TAOK1: variants seen among roughly 807,000 people sequenced by gnomAD.
TAOK1 encodes the protein TAO kinase 1, also known as serine/threonine-protein kinase TAO1.
TAOK1 carries 21 observed loss-of-function variants against 138.3 expected under a neutral mutation model. The ratio of observed to expected loss-of-function variants is 0.15; its 90% CI spans 0.11 to 0.22. The LOEUF (loss-of-function observed/expected upper bound fraction) is 0.22, where lower values mean the gene tolerates loss of function less well. TAOK1 is among the 10% of genes least tolerant of loss of function. The pLI, the probability that TAOK1 is intolerant of heterozygous loss-of-function variation, is 1.00. For synonymous variants in TAOK1, 361 were observed against 398.4 expected (o/e 0.91, Z 1.12); for missense variants, 651 against 1,227.7 (o/e 0.53, Z 7.02).
rs2032424807 is a variant in TAOK1, at chr17:29,547,770, G to A, written c.*4748G>A. The A allele has an allele frequency of 6.6e-6, 1 of 152,086 alleles. No homozygotes were observed. Among genetic ancestry groups the A allele is most frequent in the Non-Finnish European group, 1.5e-5 (1 of 67,974 alleles). The allele number at this position is 152,086 out of a possible 1,614,324, so 9.4% of individuals were successfully genotyped here. Reference sequence around the variant, plus strand: ...ACATGATAGTGCCCCCAACCAGGTTGTAGCATTGCCTTTTAAAAGAGACTC... The same window carrying A: ...ACATGATAGTGCCCCCAACCAGGTTATAGCATTGCCTTTTAAAAGAGACTC... On this transcript the variant is annotated 3_prime_UTR_variant, in exon 20 of 20. Coordinates refer to ENST00000261716, the MANE Select transcript of TAOK1 (RefSeq NM_020791.4).
intron 3 of TAOK1, among the ~76,000 whole-genome samples, chr17:29,473,262 C>T (rs1438924399): frequency 6.6e-6 from 1 of 152,178 alleles, no homozygotes; most frequent in Non-Finnish European, 1.5e-5. Flanking sequence ...AGCTTTGAAA[C>T]CAGGCATTTC....
intron 1 of TAOK1, among the ~76,000 whole-genome samples, chr17:29,409,893 TTTGCTCAGTGAGG>T (rs907573750): frequency 6.6e-6 from 1 of 152,128 alleles, no homozygotes; most frequent in African/African-American, 2.4e-5. Flanking sequence ...AGATGATATA[TTTGCTCAGTGAGG>T]TTTAAAGTCA....
intron 3 of TAOK1, among the ~76,000 whole-genome samples, chr17:29,472,565 C>T (rs1332363359): frequency 1.5e-4 from 18 of 122,528 alleles, no homozygotes; most frequent in African/African-American, 5.9e-4. Flanking sequence ...TATAGCCTTT[C>T]TTTCTTTCTT....
At chr17:29,482,347 CT>C in intron 8 of TAOK1, 59 bp downstream of exon 8, 1 of 1,258,960 alleles carries the variant, frequency 7.9e-7, no homozygotes, top group Non-Finnish European at 1.1e-6. Flanking sequence ...ACCTCAATTT[CT>C]GTACCAATCT....
At chr17:29,540,297 T>C (rs8081085) in intron 19 of TAOK1, among the ~76,000 whole-genome samples, 26,432 of 152,232 alleles carry the variant, frequency 0.17, 2,347 homozygotes, top group Admixed American at 0.22. Flanking sequence ...TTGAGACTTA[T>C]TTGCTCCACT....
chr17:29,397,664 G>GT (rs1290681493), intron 1 of TAOK1, among the ~76,000 whole-genome samples: 25 of 35,596 alleles, frequency 7.0e-4, no homozygotes, highest in African/African-American at 2.0e-3. Flanking sequence ...ATTCATGTAT[G>GT]ATACATGTAT....
chr17:29,440,615 G>T lies in TAOK1; in HGVS notation c.-94-10840G>T, dbSNP rs185658320. Among the ~76,000 whole-genome samples, 47 of 146,264 alleles carry T rather than the reference G, an allele frequency of 3.2e-4. 1 individual carries two copies. The East Asian group carries it at 7.5e-3, about 23-fold the overall frequency. On this transcript the variant is annotated intron_variant, in intron 1 of 19. Transcript: ENST00000261716. ...TTTTTGAGACAGAGTCTGCTCTTTT[G>T]CCCAGGCTGGAGTGCAGTCACGCGA...
At chr17:29,438,455 C>T (rs898215677) in intron 1 of TAOK1, among the ~76,000 whole-genome samples, 2 of 152,142 alleles carry the variant, frequency 1.3e-5, no homozygotes, top group Admixed American at 6.5e-5. Flanking sequence ...GAGGCTGAGG[C>T]GGGCGGACCA....
At chr17:29,408,245 C>T (rs1389340013) in intron 1 of TAOK1, among the ~76,000 whole-genome samples, 1 of 132,514 alleles carries the variant, frequency 7.5e-6, no homozygotes, top group Non-Finnish European at 1.6e-5. Flanking sequence ...TTTTTTGAGA[C>T]ACAGGATCTT....
chr17:29,473,620 C>T (rs983946201), intron 3 of TAOK1, among the ~76,000 whole-genome samples: 5 of 151,264 alleles, frequency 3.3e-5, no homozygotes, highest in African/African-American at 1.2e-4. Flanking sequence ...AAATCTGTTG[C>T]GTAATGTAGC....
At chr17:29,422,692 C>T (rs1015298145) in intron 1 of TAOK1, among the ~76,000 whole-genome samples, 1 of 152,120 alleles carries the variant, frequency 6.6e-6, no homozygotes, top group African/African-American at 2.4e-5. Context: ...TAATTTGTTT[C>T]TTCTTTCTCT....
intron 12 of TAOK1, 148 bp from the exon 13 acceptor site, chr17:29,502,441 G>T (rs1208918912): frequency 1.4e-5 from 12 of 864,346 alleles, no homozygotes; most frequent in Non-Finnish European, 1.9e-5. Context: ...AAAGAAAAAA[G>T]AAGACCAGCA....
At position 29,517,585 on chromosome 17, in the gene TAOK1, C is replaced by G. The variant is rs2031841258; in HGVS notation, c.1837C>G (p.Leu613Val). Residue 613 changes from leucine to valine, a missense_variant, in exon 16 of 20, where the codon CTG (leucine) becomes GTG (valine). This residue lies in a region of TAOK1 where 258 missense variants were observed against 548.9 expected (regional missense o/e 0.47). Transcript: ENST00000261716. ...TCGACGTCAAAGACAATACCTAGAG[C>G]TGGAATGCCGTCGCTTCAAGAGAAG... Reference protein sequence around the residue: ...LLRRQRQYLELECRRFKRRML... With the variant: ...LLRRQRQYLEVECRRFKRRML... The G allele has an allele frequency of 1.2e-6, 2 of 1,613,882 alleles. No individual in the cohort carries two copies. Among genetic ancestry groups the G allele is most frequent in the African/African-American group, 2.7e-5 (2 of 75,012 alleles).
intron 18 of TAOK1, among the ~76,000 whole-genome samples, chr17:29,533,824 G>GACCGTGGAAAGAGAGGGAGAGGGAT (rs2032174181): frequency 7.0e-6 from 1 of 142,262 alleles, no homozygotes; most frequent in Non-Finnish European, 1.5e-5. Context: ...ATCAGAGGGA[G>GACCGTGGAAAGAGAGGGAGAGGGAT]ACCGTGGGGA....
chr17:29,438,950 T>C (rs1388083175), intron 1 of TAOK1, among the ~76,000 whole-genome samples: 1 of 152,194 alleles, frequency 6.6e-6, no homozygotes, highest in Non-Finnish European at 1.5e-5. Context: ...TATACCTTCA[T>C]GAAAGCTTAC....
intron 1 of TAOK1, among the ~76,000 whole-genome samples, chr17:29,399,760 T>C (rs1360957280): frequency 6.6e-6 from 1 of 152,160 alleles, no homozygotes; most frequent in African/African-American, 2.4e-5. Context: ...GGATAGATTC[T>C]CGCTCTGTCA....
At position 29,467,693 on chromosome 17, in the gene TAOK1, A is replaced by G. The variant is rs1195106991; in HGVS notation, c.204+477A>G. 2.0e-5 allele frequency among the ~76,000 whole-genome samples: 3 copies of G among 152,084 alleles called. No individual in the cohort carries two copies. The East Asian group carries it at 5.8e-4, about 29-fold the overall frequency. ...ACATCTTAAGTGTATATCTCAATGA[A>G]TTTATTTTCACAAACCGATGTACCC... On this transcript the variant is annotated intron_variant, in intron 3 of 19. Transcript: ENST00000261716.
At position 29,409,247 on chromosome 17, in the gene TAOK1, C is replaced by T. The variant is rs1050629702; in HGVS notation, c.-95+18223C>T. Among the ~76,000 whole-genome samples the T allele has an allele frequency of 2.7e-5, 4 of 147,688 alleles. No homozygotes were observed. The Admixed American group carries it at 2.7e-4, about 10-fold the overall frequency. ...TGTTGATTGATAATTGAATTATTTC[C>T]AGTTTTTGGCTATTATGAATAAGAT... On this transcript the variant is annotated intron_variant, in intron 1 of 19. Coordinates refer to ENST00000261716, the MANE Select transcript of TAOK1 (RefSeq NM_020791.4).
intron 1 of TAOK1, among the ~76,000 whole-genome samples, chr17:29,395,484 T>C (rs940289294): frequency 3.9e-5 from 6 of 152,134 alleles, no homozygotes; most frequent in African/African-American, 1.4e-4. Context: ...TGAGTTGAGA[T>C]GGCGCCACTG....
Sources: allele counts gnomAD v4.1 joint callset (sites outside exome capture counted in the v4.1 genomes callset), GRCh38; gene constraint gnomAD v4.1.1; regional missense constraint gnomAD v4.1.1; transcripts MANE v1.5; gene names NCBI Gene and HGNC (gene_info 2026-07-23, HGNC 2026-07-21).